The following NAPA variants were observed in gnomAD, a reference collection of about 807,000 sequenced individuals.
NAPA encodes alpha-soluble NSF attachment protein.
Under a neutral mutation model 48.0 loss-of-function variants are expected in NAPA, and 18 were observed. That is an observed-to-expected ratio of 0.38 (90% confidence interval 0.26 to 0.56). The LOEUF is 0.56. Among genes scored for constraint, NAPA ranks in the 20% least tolerant of loss-of-function variants. The probability of loss-of-function intolerance (pLI) is 0.77; values close to 1 mark genes in which losing one functional copy is unlikely to be tolerated. For synonymous variants in NAPA, 152 were observed against 149.9 expected (o/e 1.01, Z -0.10); for missense variants, 315 against 385.0 (o/e 0.82, Z 1.52).
chr19:47,504,763 ATTAGGATTTATATT>A (rs1385175753), intron 1 of NAPA, among the ~76,000 whole-genome samples: 1 of 152,160 alleles, frequency 6.6e-6, no homozygotes. Flanking sequence ...ATTTTTAAGT[ATTAGGATTTATATT>A]TGGCCCTGTG....
intron 1 of NAPA, among the ~76,000 whole-genome samples, chr19:47,510,136 C>G (rs1968778080): frequency 6.6e-6 from 1 of 152,186 alleles, no homozygotes; most frequent in South Asian, 2.1e-4. Context: ...CTGTGATTCA[C>G]CAGGGTGCCC....
rs1206976948 is a variant in NAPA, at chr19:47,506,263, GC to G, written c.99-2762del. Among the ~76,000 whole-genome samples, 3 of 152,102 alleles carry G rather than the reference GC, an allele frequency of 2.0e-5. No individual in the cohort carries two copies. Among genetic ancestry groups the G allele is most frequent in the African/African-American group, 7.2e-5 (3 of 41,418 alleles). On this transcript the variant is annotated intron_variant, in intron 1 of 10. Coordinates refer to ENST00000263354, the MANE Select transcript of NAPA (RefSeq NM_003827.4). This position sits in a 1 kb window ranked among gnomAD's most constrained non-coding sequence, Gnocchi z 4.0. ...TCCACTCGCCTCGGCCTCCCAAAGT[GC>G]TGGGATTACAGGCATGAGCCACCGT...
rs1968319191 is a variant in NAPA at position 47,492,972 on chromosome 19, T to C, written c.550A>G (p.Ile184Val). The change falls in exon 7 of 11, where the codon ATC (isoleucine) becomes GTC (valine). Residue 184 changes from isoleucine (I) to valine (V), a missense_variant. Ile to Val is a conservative substitution (Grantham distance 29). Transcript: ENST00000263354. ...LLEQYQKAID[I>V]YEQVGTNAMD... ...CCACCTGTCCCCACCTGTTCGTAGA[T>C]GTCAATGGCCTTCTGATACTGCTCC... 1 of 1,614,088 alleles carries C rather than the reference T, an allele frequency of 6.2e-7. No individual in the cohort carries two copies. The highest frequency in any genetic ancestry group is 8.5e-7 in the Non-Finnish European group (1 of 1,180,000).
chr19:47,509,309 T>C (rs1599919249), intron 1 of NAPA, among the ~76,000 whole-genome samples: 1 of 130,938 alleles, frequency 7.6e-6, no homozygotes, highest in Admixed American at 8.6e-5. Context: ...TAAAATAAAA[T>C]AAAATAAAAT....
In NAPA at chr19:47,492,665, T is replaced by G. The variant is rs976271438; in HGVS notation, c.561+296A>C. Reference sequence around the variant, plus strand: ...CCTCTTGGCACTTCTTCCCATTCCCTCCCTCTGGGTTCTTTAGCCAGCCTC... The same window carrying G: ...CCTCTTGGCACTTCTTCCCATTCCCGCCCTCTGGGTTCTTTAGCCAGCCTC... On this transcript the variant is annotated intron_variant, in intron 7 of 10. Coordinates refer to ENST00000263354, the MANE Select transcript of NAPA (RefSeq NM_003827.4). 7.5e-6 allele frequency: 4 copies of G among 531,410 alleles called. No homozygotes were observed. In the African/African-American group the frequency reaches 7.5e-5, roughly 10 times the overall value. The allele number at this position is 531,410 out of a possible 1,614,324, so 32.9% of individuals were successfully genotyped here.
In NAPA at chr19:47,514,700, C is replaced by G. The variant is rs34206657; in HGVS notation, c.98+143G>C. ...TGGCCCTCAGCCTGCGTCCCCTCTG[C>G]CGCCTCAGGCCATGTCACCTTATTG... On this transcript the variant is annotated intron_variant, in intron 1 of 10. Transcript: ENST00000263354. 4.0e-6 allele frequency: 3 copies of G among 744,550 alleles called. No individual in the cohort carries two copies. In the East Asian group the frequency reaches 8.2e-5, roughly 20 times the overall value. 46.1% of individuals were successfully genotyped at this position (744,550 alleles called of 1,614,324 possible).
intron 10 of NAPA, 32 bp from the exon 11 acceptor site, chr19:47,488,421 GCT>G: frequency 6.4e-7 from 1 of 1,567,274 alleles, no homozygotes; most frequent in East Asian, 2.3e-5. Flanking sequence ...GGCTGGCCAT[GCT>G]CCCCCCGTTC....
intron 1 of NAPA, among the ~76,000 whole-genome samples, chr19:47,508,542 T>G (rs995012331): frequency 6.6e-6 from 1 of 152,212 alleles, no homozygotes; most frequent in Non-Finnish European, 1.5e-5. Context: ...AGGACCCTCT[T>G]GTGACATGCC....
chr19:47,494,716 TGA>T (rs1369177083), intron 4 of NAPA, among the ~76,000 whole-genome samples: 36 of 121,866 alleles, frequency 3.0e-4, no homozygotes, highest in Non-Finnish European at 5.4e-4. Context: ...CCAGCCTAGA[TGA>T]GAGAGAAACT....
chr19:47,485,527 G>A (rs576409986), downstream of NAPA, among the ~76,000 whole-genome samples: 1 of 152,150 alleles, frequency 6.6e-6, no homozygotes, highest in Non-Finnish European at 1.5e-5. Flanking sequence ...TGGACACCTC[G>A]AGCACACACA....
At chr19:47,502,742 G>A (rs1968607882) in intron 2 of NAPA, among the ~76,000 whole-genome samples, 1 of 152,212 alleles carries the variant, frequency 6.6e-6, no homozygotes, top group Non-Finnish European at 1.5e-5. Context: ...GGGCCTGCAG[G>A]GAGCTCCAAA....
intron 1 of NAPA, among the ~76,000 whole-genome samples, chr19:47,514,382 G>A (rs1207575139): frequency 6.6e-6 from 1 of 152,006 alleles, no homozygotes; most frequent in Non-Finnish European, 1.5e-5. Flanking sequence ...CTCAGCCCCA[G>A]GCCCCATCAC....
At chr19:47,502,073 T>C (rs1425679301) in intron 2 of NAPA, among the ~76,000 whole-genome samples, 2 of 151,662 alleles carry the variant, frequency 1.3e-5, no homozygotes, top group African/African-American at 4.8e-5. Context: ...AAACTCTGTC[T>C]CTACTAAAAA....
chr19:47,494,214 C>G (rs1288556155), intron 4 of NAPA, among the ~76,000 whole-genome samples: 3 of 152,216 alleles, frequency 2.0e-5, no homozygotes, highest in Non-Finnish European at 4.4e-5. Flanking sequence ...CTGGGCAAAT[C>G]ATGTCACTTG....
At chr19:47,513,363 C>T (rs1461217454) in intron 1 of NAPA, among the ~76,000 whole-genome samples, 1 of 152,220 alleles carries the variant, frequency 6.6e-6, no homozygotes, top group Non-Finnish European at 1.5e-5. Flanking sequence ...TTCTGGAAGT[C>T]ACATTAACAA....
At chr19:47,499,128 C>A (rs1968507690) in intron 3 of NAPA, among the ~76,000 whole-genome samples, 2 of 152,226 alleles carry the variant, frequency 1.3e-5, no homozygotes, top group South Asian at 4.1e-4. Flanking sequence ...CCACACCCTG[C>A]AGAGTCTCGC....
intron 1 of NAPA, among the ~76,000 whole-genome samples, chr19:47,508,734 C>T (rs1968743707): frequency 6.6e-6 from 1 of 151,890 alleles, no homozygotes; most frequent in Non-Finnish European, 1.5e-5. Context: ...AACTCCTGGG[C>T]TCAAGCAATC....
At chr19:47,509,389 T>C (rs1968762080) in intron 1 of NAPA, among the ~76,000 whole-genome samples, 1 of 151,870 alleles carries the variant, frequency 6.6e-6, no homozygotes, top group Non-Finnish European at 1.5e-5. Context: ...CTGACAGTAG[T>C]CAGACAGGCC....
chr19:47,511,816 G>A lies in NAPA; in HGVS notation c.98+3027C>T, dbSNP rs73940873. ...CTGGCCCAGGCCAGGGTCTGAGTCA[G>A]AGCGAGCACTTAATAACCAGCATCT... On this transcript the variant is annotated intron_variant, in intron 1 of 10. Transcript: ENST00000263354. Among the ~76,000 whole-genome samples, 478 of 152,338 alleles carry A rather than the reference G, an allele frequency of 3.1e-3. 1 individual carries two copies. Among genetic ancestry groups the A allele is most frequent in the African/African-American group, 0.011 (449 of 41,578 alleles).
Sources: allele counts gnomAD v4.1 joint callset (sites outside exome capture counted in the v4.1 genomes callset), GRCh38; gene constraint gnomAD v4.1.1; non-coding constraint Gnocchi (gnomAD v3.1); transcripts MANE v1.5; gene names NCBI Gene and HGNC (gene_info 2026-07-23, HGNC 2026-07-21).